Variants in CSMD1 observed in about 807,000 individuals in gnomAD.
CSMD1 encodes CUB and Sushi multiple domains 1.
A neutral mutation model predicts 417.5 loss-of-function variants in CSMD1; 213 were observed. The observed-to-expected ratio is 0.51, with a 90% CI of 0.46 to 0.57. CSMD1 has a LOEUF of 0.57. CSMD1 is among the 20% of genes least tolerant of loss of function. The pLI is 0.00. For synonymous variants in CSMD1, 2,862 were observed against 1,736.8 expected (o/e 1.65, Z -16.11); for missense variants, 6,923 against 4,529.7 (o/e 1.53, Z -15.17).
intron 2 of CSMD1, among the ~76,000 whole-genome samples, chr8:4,450,646 T>A (rs965925813): frequency 6.6e-6 from 1 of 152,074 alleles, no homozygotes; most frequent in Non-Finnish European, 1.5e-5. Flanking sequence ...AAAAAAAATT[T>A]GGTACTTTGA....
intron 22 of CSMD1, among the ~76,000 whole-genome samples, chr8:3,344,237 G>T (rs1807843422): frequency 6.6e-6 from 1 of 152,154 alleles, no homozygotes; most frequent in South Asian, 2.1e-4. Context: ...TAATCTGAAT[G>T]AGGATCGGGT....
chr8:4,337,237 A>C (rs1347676916), intron 3 of CSMD1, among the ~76,000 whole-genome samples: 1 of 152,138 alleles, frequency 6.6e-6, no homozygotes, highest in Non-Finnish European at 1.5e-5. Context: ...CAAAAACTCC[A>C]CTGCCTGATA....
intron 1 of CSMD1, among the ~76,000 whole-genome samples, chr8:4,739,399 G>A (rs1276264967): frequency 6.6e-6 from 1 of 152,084 alleles, no homozygotes; most frequent in Non-Finnish European, 1.5e-5. Flanking sequence ...CTATTTAGTG[G>A]CCTTATATCT....
In CSMD1 at chr8:3,342,066, G is replaced by T. The variant is rs556766388; in HGVS notation, c.3631+1228C>A. Among the ~76,000 whole-genome samples the T allele has an allele frequency of 7.2e-5, 11 of 152,278 alleles. No homozygotes were observed. In the South Asian group the frequency reaches 1.9e-3, roughly 26 times the overall value. On this transcript the variant is annotated intron_variant, in intron 23 of 69. Coordinates refer to ENST00000635120, the MANE Select transcript of CSMD1 (RefSeq NM_033225.6). Reference sequence around the variant, plus strand: ...ATAGGTTGATCTTGTAACATCAATTGTTATCAGTTTATTGTGCACAAATAT... The same window carrying T: ...ATAGGTTGATCTTGTAACATCAATTTTTATCAGTTTATTGTGCACAAATAT...
At chr8:3,926,401 C>G (rs1389915447) in intron 5 of CSMD1, among the ~76,000 whole-genome samples, 1 of 151,804 alleles carries the variant, frequency 6.6e-6, no homozygotes, top group Admixed American at 6.6e-5. Context: ...TTTTTTCTGT[C>G]TTTTGTTGAG....
At chr8:4,111,937 T>A (rs1801878775) in intron 3 of CSMD1, among the ~76,000 whole-genome samples, 1 of 152,196 alleles carries the variant, frequency 6.6e-6, no homozygotes, top group South Asian at 2.1e-4. Context: ...AAATAAAGTA[T>A]GGCAAAAGCA....
At chr8:4,942,685 G>A (rs995861495) in intron 1 of CSMD1, among the ~76,000 whole-genome samples, 1 of 152,128 alleles carries the variant, frequency 6.6e-6, no homozygotes, top group African/African-American at 2.4e-5. Flanking sequence ...ATATCACACT[G>A]TGATAGGCAG....
rs7846421 is a variant in CSMD1 at position 4,521,802 on chromosome 8, C to T, written c.303-101737G>A. 5.4e-3 allele frequency among the ~76,000 whole-genome samples: 829 copies of T among 152,202 alleles called. 10 individuals carry two copies. The highest frequency in any genetic ancestry group is 0.018 in the African/African-American group (746 of 41,546). On this transcript the variant is annotated intron_variant, in intron 2 of 69. Transcript: ENST00000635120. ...ACTTAAGTGTGAAAGGAAAACCAAG[C>T]ACCTGGGTGGCCTACTGTATGGTTA...
chr8:3,096,567 A>T (rs1815314219), intron 47 of CSMD1, among the ~76,000 whole-genome samples: 1 of 152,110 alleles, frequency 6.6e-6, no homozygotes, highest in Non-Finnish European at 1.5e-5. Context: ...GCCATCTGGA[A>T]CTGTAAATCC....
At chr8:3,300,324 C>T (rs1013413493) in intron 25 of CSMD1, among the ~76,000 whole-genome samples, 7 of 151,806 alleles carry the variant, frequency 4.6e-5, no homozygotes, top group Admixed American at 1.3e-4. Flanking sequence ...GTGTAGTTTT[C>T]TTTGGTGTTT....
At chr8:3,293,946 T>C (rs180685948) in intron 25 of CSMD1, among the ~76,000 whole-genome samples, 154 of 152,230 alleles carry the variant, frequency 1.0e-3, no homozygotes, top group East Asian at 1.9e-4. Context: ...TTTTTCCCCA[T>C]CTTTGTGGTT....
At position 4,133,631 on chromosome 8, in the gene CSMD1, G is replaced by A. The variant is rs137939568; in HGVS notation, c.416-101532C>T. ...ATGCTAAGCATTGTACTAGCAATGC[G>A]AAGAGGAAAACTCTAAAATCTCCAT... On this transcript the variant is annotated intron_variant, in intron 3 of 69. Transcript: ENST00000635120. Among the ~76,000 whole-genome samples the A allele has an allele frequency of 1.1e-4, 16 of 152,144 alleles. No individual in the cohort carries two copies. The East Asian group carries it at 2.3e-3, about 22-fold the overall frequency.
chr8:4,904,083 G>A (rs537915634), intron 1 of CSMD1, among the ~76,000 whole-genome samples: 1 of 152,114 alleles, frequency 6.6e-6, no homozygotes, highest in Non-Finnish European at 1.5e-5. Flanking sequence ...CCATGGAAAA[G>A]AACCAGGATA....
chr8:3,408,386 C>G (rs1812478793), intron 13 of CSMD1, among the ~76,000 whole-genome samples, 161 bp from the exon 14 acceptor site: 1 of 152,172 alleles, frequency 6.6e-6, no homozygotes, highest in African/African-American at 2.4e-5. Flanking sequence ...AATGTTTTCT[C>G]CTTTCCTAAT....
chr8:4,277,556 T>C (rs1176834485), intron 3 of CSMD1, among the ~76,000 whole-genome samples: 1 of 152,142 alleles, frequency 6.6e-6, no homozygotes, highest in Non-Finnish European at 1.5e-5. Context: ...ATTATAGACA[T>C]GGATAGAGCT....
chr8:4,406,138 G>A (rs772419467), intron 3 of CSMD1, among the ~76,000 whole-genome samples: 86 of 152,296 alleles, frequency 5.6e-4, no homozygotes, highest in African/African-American at 1.9e-3. Flanking sequence ...AGATGGCAGT[G>A]AGCATAATCG....
rs371344002 is a variant in CSMD1, at chr8:4,924,002, A to G, written c.85+70330T>C. ...TGATAGTTTAAGAAAGTTTTATAAT[A>G]GAATTCATTTTTGTCCTCTGTCACA... On this transcript the variant is annotated intron_variant, in intron 1 of 69. Transcript: ENST00000635120. Among the ~76,000 whole-genome samples the G allele has an allele frequency of 9.8e-5, 15 of 152,342 alleles. No individual in the cohort carries two copies. The East Asian group carries it at 2.5e-3, about 25-fold the overall frequency.
intron 2 of CSMD1, among the ~76,000 whole-genome samples, chr8:4,576,973 C>T (rs1205217889): frequency 6.6e-6 from 1 of 152,114 alleles, no homozygotes; most frequent in Non-Finnish European, 1.5e-5. Flanking sequence ...TTTTCTAATT[C>T]GATGAACACA....
rs1271416622 is a variant in CSMD1 at position 3,406,221 on chromosome 8, G to A, written c.2072C>T (p.Thr691Ile). ...TGRGFNITYT[T>I]FGQNECHDPG... is the part of the protein sequence containing the mutation. ...ATCATGGCACTCATTCTGACCAAAT[G>A]CTGAAAGAAAAAGAAGAAGAAAAAA... The change falls in exon 15 of 70, where the codon ACA (threonine) becomes ATA (isoleucine). Residue 691 changes from threonine to isoleucine, a missense_variant and splice_region_variant. By Grantham distance (89) the Thr-to-Ile change is moderately conservative. Transcript: ENST00000635120. The A allele has an allele frequency of 1.9e-6, 3 of 1,587,974 alleles. No individual in the cohort carries two copies. The highest frequency in any genetic ancestry group is 3.7e-5 in the Admixed American group (2 of 54,548).
Sources: gnomAD v4.1 joint callset for allele counts (sites outside exome capture counted in the v4.1 genomes callset) on GRCh38, gnomAD v4.1.1 for gene constraint, MANE v1.5 for transcripts, NCBI Gene and HGNC (gene_info 2026-07-23, HGNC 2026-07-21) for gene names.